UNC5D: variants seen among roughly 807,000 people sequenced by gnomAD.
UNC5D encodes unc-5 netrin receptor D.
UNC5D carries 39 observed loss-of-function variants against 105.4 expected under a neutral mutation model. The ratio of observed to expected loss-of-function variants is 0.37; its 90% CI spans 0.29 to 0.48. UNC5D has a LOEUF of 0.48. UNC5D is among the 20% of genes least tolerant of loss of function. The pLI is 0.98. For synonymous variants in UNC5D, 452 were observed against 450.4 expected (o/e 1.00, Z -0.04); for missense variants, 991 against 1,202.4 (o/e 0.82, Z 2.60).
At chr8:35,580,559 A>G (rs1818414933) in intron 3 of UNC5D, among the ~76,000 whole-genome samples, 1 of 152,120 alleles carries the variant, frequency 6.6e-6, no homozygotes, top group Non-Finnish European at 1.5e-5. Flanking sequence ...GAAAAAAAAA[A>G]GTAGAACAGG....
Position 35,305,610 on chromosome 8 carries a change from T to TTTCATTTCTTTCTTTCTTTCC in UNC5D, c.103+69726_103+69727insATTTCTTTCTTTCTTTCCTTC, listed in dbSNP as rs1585543036. On this transcript the variant is annotated intron_variant, in intron 1 of 16. Transcript: ENST00000404895. ...CTTTCTTTCTTTCTTTCTTTCTTTC[T>TTTCATTTCTTTCTTTCTTTCC]TTCTTTCTTTCTTTTTCTTTCTCTC... Among the ~76,000 whole-genome samples the TTTCATTTCTTTCTTTCTTTCC allele has an allele frequency of 4.8e-5, 7 of 145,200 alleles. No homozygotes were observed. The East Asian group carries it at 1.4e-3, about 28-fold the overall frequency.
intron 1 of UNC5D, among the ~76,000 whole-genome samples, chr8:35,469,421 A>G (rs1809548768): frequency 6.6e-6 from 1 of 152,220 alleles, no homozygotes; most frequent in Admixed American, 6.5e-5. Context: ...TAGTATCTTC[A>G]GATCCAAAGC....
rs1359089091 is a variant in UNC5D, at chr8:35,235,826, G to T, written c.42G>T (p.Ala14=). ...CCACCGCAGGCGGCGGCGGAGGGGC[G>T]CGCCGCTGGCTCCCGTGGCTGGGGC... ...AAATAGGGGG[A]RRWLPWLGLC... The change falls in exon 1 of 17, where the codon GCG becomes GCT. Residue 14 remains alanine, a synonymous_variant. Coordinates refer to ENST00000404895, the MANE Select transcript of UNC5D (RefSeq NM_080872.4). The T allele has an allele frequency of 6.5e-6, 8 of 1,230,202 alleles. No homozygotes were observed. The highest frequency in any genetic ancestry group is 2.9e-4 in the Middle Eastern group (1 of 3,392). 76.2% of individuals were successfully genotyped at this position (1,230,202 alleles called of 1,614,324 possible). A position where few individuals can be genotyped will look rare whatever the true frequency, so the allele number is the denominator to read the frequency against.
At chr8:35,684,874 A>G in intron 6 of UNC5D, 125 bp downstream of exon 6, 4 of 1,244,952 alleles carry the variant, frequency 3.2e-6, no homozygotes, top group Non-Finnish European at 4.3e-6. Flanking sequence ...TAGAACATTT[A>G]TCCAAGGTGC....
intron 8 of UNC5D, among the ~76,000 whole-genome samples, chr8:35,719,141 T>TACACACACACACACACAC (rs57660135): frequency 2.3e-5 from 3 of 133,172 alleles, no homozygotes; most frequent in Non-Finnish European, 4.8e-5. Context: ...CATGTGCTTA[T>TACACACACACACACACAC]ACACACACAC....
At chr8:35,486,946 T>C (rs1435874324) in intron 1 of UNC5D, among the ~76,000 whole-genome samples, 2 of 152,098 alleles carry the variant, frequency 1.3e-5, no homozygotes, top group Non-Finnish European at 2.9e-5. Context: ...GGATTCTCAG[T>C]TTTAAGGCTC....
chr8:35,252,151 T>C (rs578113928), intron 1 of UNC5D, among the ~76,000 whole-genome samples: 1 of 151,756 alleles, frequency 6.6e-6, no homozygotes, highest in South Asian at 2.1e-4. Flanking sequence ...GCCTCCTGAG[T>C]AGCTGGGACT....
intron 1 of UNC5D, among the ~76,000 whole-genome samples, chr8:35,360,983 A>AT (rs1801822042): frequency 6.6e-6 from 1 of 152,078 alleles, no homozygotes; most frequent in South Asian, 2.1e-4. Flanking sequence ...GATTTTTTAA[A>AT]ATATATATAC....
intron 1 of UNC5D, among the ~76,000 whole-genome samples, chr8:35,400,121 A>G (rs1189771024): frequency 6.6e-6 from 1 of 152,136 alleles, no homozygotes; most frequent in African/African-American, 2.4e-5. Flanking sequence ...CATTCATGAC[A>G]TTATTAGGTA....
chr8:35,753,154 C>A (rs1212359857), intron 13 of UNC5D, among the ~76,000 whole-genome samples: 2 of 152,174 alleles, frequency 1.3e-5, no homozygotes, highest in Non-Finnish European at 2.9e-5. Context: ...ATAACCATAG[C>A]TTTTCAAACC....
At chr8:35,595,000 G>A (rs1368649080) in intron 3 of UNC5D, among the ~76,000 whole-genome samples, 5 of 152,162 alleles carry the variant, frequency 3.3e-5, no homozygotes, top group Non-Finnish European at 7.4e-5. Context: ...ATGTTTGGTT[G>A]GATAGGTTAT....
At chr8:35,491,116 A>T (rs1273318671) in intron 1 of UNC5D, among the ~76,000 whole-genome samples, 1 of 151,996 alleles carries the variant, frequency 6.6e-6, no homozygotes, top group Non-Finnish European at 1.5e-5. Context: ...AGGGTTTACC[A>T]TTGTTTTTTA....
At chr8:35,710,396 C>T (rs1341629277) in intron 8 of UNC5D, among the ~76,000 whole-genome samples, 2 of 152,152 alleles carry the variant, frequency 1.3e-5, no homozygotes, top group Non-Finnish European at 2.9e-5. Context: ...ATGGGGAAAA[C>T]TTGGCATAGC....
intron 1 of UNC5D, among the ~76,000 whole-genome samples, chr8:35,240,647 T>C (rs1393971445): frequency 1.3e-5 from 2 of 152,154 alleles, no homozygotes; most frequent in African/African-American, 2.4e-5. Flanking sequence ...CCTAGATTTG[T>C]ACCTACTCCA....
At chr8:35,367,594 C>G (rs191060575) in intron 1 of UNC5D, among the ~76,000 whole-genome samples, 1 of 151,244 alleles carries the variant, frequency 6.6e-6, no homozygotes, top group East Asian at 1.9e-4. Context: ...CTGTATAAAC[C>G]CTCAAATACT....
intron 1 of UNC5D, among the ~76,000 whole-genome samples, chr8:35,500,669 C>A (rs1017803188): frequency 6.6e-6 from 1 of 152,146 alleles, no homozygotes; most frequent in East Asian, 1.9e-4. Flanking sequence ...TTTGACCTTG[C>A]CTACTAGGCT....
intron 1 of UNC5D, among the ~76,000 whole-genome samples, chr8:35,463,783 C>A (rs1238247051): frequency 3.3e-5 from 5 of 150,094 alleles, no homozygotes; most frequent in Middle Eastern, 3.4e-3. Flanking sequence ...AGAGCAATAA[C>A]CTGTCTCAGA....
chr8:35,559,475 G>C (rs1816799443), intron 2 of UNC5D, among the ~76,000 whole-genome samples: 2 of 152,214 alleles, frequency 1.3e-5, no homozygotes, highest in South Asian at 4.1e-4. Context: ...CCATTACCAG[G>C]TGTGTTTGAG....
rs972270317 is a variant in UNC5D, at chr8:35,435,578, T to G, written c.104-113714T>G. On this transcript the variant is annotated intron_variant, in intron 1 of 16. Coordinates refer to ENST00000404895, the MANE Select transcript of UNC5D (RefSeq NM_080872.4). ...CATCATTATAATATTTCTAAGCATA[T>G]GAAACAATGTAAGAATTCATTCAAA... Among the ~76,000 whole-genome samples, 3 of 152,076 alleles carry G rather than the reference T, an allele frequency of 2.0e-5. No homozygotes were observed. The East Asian group carries it at 5.8e-4, about 29-fold the overall frequency.
Sources: gnomAD v4.1 joint callset for allele counts (sites outside exome capture counted in the v4.1 genomes callset) on GRCh38, gnomAD v4.1.1 for gene constraint, MANE v1.5 for transcripts, NCBI Gene and HGNC (gene_info 2026-07-23, HGNC 2026-07-21) for gene names.